Variants in CFAP46 observed in about 807,000 individuals in gnomAD.
CFAP46 encodes cilia- and flagella-associated protein 46.
Under a neutral mutation model 325.7 loss-of-function variants are expected in CFAP46, and 245 were observed. The ratio of observed to expected loss-of-function variants is 0.75; its 90% CI spans 0.68 to 0.84. The LOEUF is 0.84. Among genes scored for constraint, CFAP46 ranks in the 40% least tolerant of loss-of-function variants. CFAP46 has a pLI of 0.00. For missense variants in CFAP46, 3,346 were observed against 3,543.0 expected (o/e 0.94, Z 1.41); for synonymous variants, 1,523 against 1,495.9 (o/e 1.02, Z -0.42).
intron 50 of CFAP46, among the ~76,000 whole-genome samples, chr10:132,822,821 GTGTGTGCTGA>G (rs1373769156): frequency 0.024 from 3,014 of 125,968 alleles, 54 homozygotes; most frequent in Non-Finnish European, 0.029. Context: ...GCTGTGTGCT[GTGTGTGCTGA>G]TGTGTGCTGA....
At chr10:132,829,906 A>G (rs1848121395) in intron 50 of CFAP46, among the ~76,000 whole-genome samples, 1 of 152,052 alleles carries the variant, frequency 6.6e-6, no homozygotes, top group Admixed American at 6.6e-5. Context: ...TCCTTGTAAC[A>G]TATTGTTTTG....
intron 22 of CFAP46, among the ~76,000 whole-genome samples, chr10:132,904,974 C>T (rs752634404): frequency 7.9e-5 from 12 of 152,274 alleles, no homozygotes; most frequent in East Asian, 3.9e-4. Flanking sequence ...TTGGCACCTA[C>T]GACGTCACGC....
At position 132,877,029 on chromosome 10, in the gene CFAP46, C is replaced by G. The variant is rs1848966245; in HGVS notation, c.4213-68G>C. 6.7e-7 allele frequency: 1 copy of G among 1,485,466 alleles called. No individual in the cohort carries two copies. Among genetic ancestry groups the G allele is most frequent in the East Asian group, 2.5e-5 (1 of 40,556 alleles). The allele number at this position is 1,485,466 out of a possible 1,614,324, so 92.0% of individuals were successfully genotyped here. On this transcript the variant is annotated intron_variant, in intron 30 of 57. Transcript: ENST00000368586. The surrounding 1 kb of genome is among the most constrained non-coding windows in gnomAD (Gnocchi z 5.7). ...TGAAACAGCAGACACCCCCGGCCCA[C>G]CGGCATGGCTGTGCAGCATTCAGGC... is the stretch of plus-strand genomic sequence containing the variant.
rs9419245 is a variant in CFAP46, at chr10:132,877,679, C to A, written c.4212+202G>T. ...AGAGAAACTGAGGCACAGAGGCCAG[C>A]CGGGGCCCAGCCTCTGCACTGAGGC... On this transcript the variant is annotated intron_variant, in intron 30 of 57. Coordinates refer to ENST00000368586, the MANE Select transcript of CFAP46 (RefSeq NM_001200049.3). The surrounding 1 kb of genome is among the most constrained non-coding windows in gnomAD (Gnocchi z 5.7). Among the ~76,000 whole-genome samples the A allele has an allele frequency of 0.015, 2,287 of 152,216 alleles. 28 individuals are homozygous for A. The highest frequency in any genetic ancestry group is 0.022 in the Non-Finnish European group (1,527 of 67,990).
intron 22 of CFAP46, among the ~76,000 whole-genome samples, chr10:132,906,809 G>A (rs903051788): frequency 2.8e-5 from 4 of 145,140 alleles, no homozygotes; most frequent in Non-Finnish European, 6.0e-5. Context: ...GCCCCATCCT[G>A]GGCAATGAGA....
chr10:132,897,991 C>T (rs1225331247), intron 24 of CFAP46, among the ~76,000 whole-genome samples: 1 of 91,618 alleles, frequency 1.1e-5, no homozygotes, highest in African/African-American at 6.9e-5. Context: ...TGGTGCCCCA[C>T]TCCCGTCCTC....
Position 132,833,451 on chromosome 10 carries a change from C to G in CFAP46, c.7024G>C (p.Gly2342Arg). Residue 2342 changes from glycine (G) to arginine (R), a missense_variant, in exon 50 of 58, where the codon GGT becomes CGT. Transcript: ENST00000368586. ...GTCCCTTCATCGAACACAGAGAGAC[C>G]TTCCAGTGGCAGCTCCAGGAGATGT... ...DRHLLELPLE[G>R]LSVFDEGTIS... 6.2e-7 allele frequency: 1 copy of G among 1,614,180 alleles called. No homozygotes were observed. Among genetic ancestry groups the G allele is most frequent in the East Asian group, 2.2e-5 (1 of 44,884 alleles).
Position 132,812,803 on chromosome 10 carries a change from C to T in CFAP46, c.7483G>A (p.Val2495Ile). 6.2e-7 allele frequency: 1 copy of T among 1,612,184 alleles called. No homozygotes were observed. The highest frequency in any genetic ancestry group is 1.1e-5 in the South Asian group (1 of 91,084). Residue 2495 changes from valine (V) to isoleucine (I), a missense_variant, in exon 55 of 58, where the codon GTC becomes ATC. Physicochemically the swap from Val to Ile is conservative, Grantham distance 29. Transcript: ENST00000368586. ...CTCTCACCTTGCAAGTTCATGGCGA[C>T]CAATCTCTCCACTAATATATGGGAC... ...FLSHILVERL[V>I]AMNLQECQVA...
chr10:132,843,980 T>TCCTA (rs1336825296), intron 44 of CFAP46, among the ~76,000 whole-genome samples: 1 of 127,488 alleles, frequency 7.8e-6, no homozygotes. Flanking sequence ...TGTGGGGCTC[T>TCCTA]GGTCTCAGTG....
intron 50 of CFAP46, among the ~76,000 whole-genome samples, chr10:132,821,721 TGCTGACGTGTGCTGTGTGTGC>T (rs1389238358): frequency 0.016 from 2,012 of 124,732 alleles, 83 homozygotes; most frequent in Non-Finnish European, 0.024. Context: ...GTGTGCTGTG[TGCTGACGTGTGCTGTGTGTGC>T]GCTGATGTGT....
At position 132,941,926 on chromosome 10, in the gene CFAP46, C is replaced by T. The variant is rs1850109490; in HGVS notation, c.174+54G>A. On this transcript the variant is annotated intron_variant, in intron 2 of 57. Transcript: ENST00000368586. ...TCTGCATCCGCTGCACACCCAGAGG[C>T]CCTCCCTCTCCCTGTCAAAGCTGCC... is the stretch of plus-strand genomic sequence containing the variant. The T allele has an allele frequency of 3.0e-5, 46 of 1,544,778 alleles. 2 individuals carry two copies. The South Asian group carries it at 4.3e-4, about 15-fold the overall frequency.
chr10:132,909,826 A>C, intron 20 of CFAP46, 93 bp downstream of exon 20: 3 of 1,172,832 alleles, frequency 2.6e-6, no homozygotes, highest in Non-Finnish European at 3.4e-6. Flanking sequence ...TCTGGAGCTA[A>C]GTGGTCCCGG....
chr10:132,920,294 C>T (rs1213491628), intron 13 of CFAP46, 112 bp from the exon 14 acceptor site: 22 of 1,318,540 alleles, frequency 1.7e-5, no homozygotes, highest in African/African-American at 4.5e-5. Flanking sequence ...CCACAGGTAG[C>T]GGCTCCAGGG....
At chr10:132,825,359 C>T (rs562247527) in intron 50 of CFAP46, among the ~76,000 whole-genome samples, 1 of 152,218 alleles carries the variant, frequency 6.6e-6, no homozygotes, top group East Asian at 1.9e-4. Context: ...GCTGTGGGCT[C>T]AGAACCCACT....
intron 27 of CFAP46, 61 bp from the exon 28 acceptor site, chr10:132,881,093 A>G: frequency 7.0e-7 from 1 of 1,427,628 alleles, no homozygotes; most frequent in Non-Finnish European, 9.6e-7. Context: ...TTCCTGACGC[A>G]GTGGAATACT....
rs909188755 is a variant in CFAP46, at chr10:132,832,396, C to CA, written c.7117+961_7117+962insT. 2.8e-5 allele frequency among the ~76,000 whole-genome samples: 4 copies of CA among 142,204 alleles called. No individual in the cohort carries two copies. Among genetic ancestry groups the CA allele is most frequent in the Admixed American group, 6.9e-5 (1 of 14,440 alleles). The allele number at this position is 142,204 out of a possible 152,430, so 93.3% of individuals were successfully genotyped here. On this transcript the variant is annotated intron_variant, in intron 50 of 57. Transcript: ENST00000368586. The surrounding 1 kb of genome is among the most constrained non-coding windows in gnomAD (Gnocchi z 4.1). ...ACCCCTGGGCTCTTCCTGCCCCCCC[C>CA]CCCCAATGCTGTGGCCTGGAAATTC...
At chr10:132,835,902 C>T (rs1564772078) in intron 46 of CFAP46, among the ~76,000 whole-genome samples, 1 of 124,258 alleles carries the variant, frequency 8.0e-6, no homozygotes, top group Non-Finnish European at 1.7e-5. Flanking sequence ...CCCATGCTCC[C>T]GTCCCCTCCG....
chr10:132,869,130 G>C lies in CFAP46; in HGVS notation c.4610+144C>G. The stretch of plus-strand genomic sequence containing the variant: ...ACCTCCAGCACGACCCAGGAGAACC[G>C]GCCACAGCCGTGTCCCCCAAGTGCT... On this transcript the variant is annotated intron_variant, in intron 33 of 57. Coordinates refer to ENST00000368586, the MANE Select transcript of CFAP46 (RefSeq NM_001200049.3). The surrounding 1 kb of genome is among the most constrained non-coding windows in gnomAD (Gnocchi z 6.2). The C allele has an allele frequency of 1.8e-6, 1 of 560,252 alleles. No homozygotes were observed. The highest frequency in any genetic ancestry group is 2.9e-6 in the Non-Finnish European group (1 of 349,126). The allele number at this position is 560,252 out of a possible 1,614,324, so 34.7% of individuals were successfully genotyped here.
At chr10:132,912,117 C>CT (rs1849548483) in intron 19 of CFAP46, among the ~76,000 whole-genome samples, 1 of 88,508 alleles carries the variant, frequency 1.1e-5, no homozygotes, top group Non-Finnish European at 2.4e-5. Context: ...TCTCTCCCTC[C>CT]ACCCCCACCC....
Sources: allele counts gnomAD v4.1 joint callset (sites outside exome capture counted in the v4.1 genomes callset), GRCh38; gene constraint gnomAD v4.1.1; non-coding constraint Gnocchi (gnomAD v3.1); transcripts MANE v1.5; gene names NCBI Gene and HGNC (gene_info 2026-07-23, HGNC 2026-07-21).